CRPPA: variants seen among roughly 807,000 people sequenced by gnomAD.
The protein encoded by CRPPA is CDP-L-ribitol pyrophosphorylase A.
In CRPPA, 43 loss-of-function variants were observed where a neutral mutation model predicts 52.0. The observed-to-expected ratio is 0.83, with a 90% confidence interval of 0.65 to 1.07. The LOEUF is 1.07. Ranked by LOEUF, CRPPA falls within the 50% of genes least tolerant of loss-of-function variation. The pLI, the probability that CRPPA is intolerant of heterozygous loss-of-function variation, is 0.00. For missense variants in CRPPA, 629 were observed against 551.7 expected (o/e 1.14, Z -1.40); for synonymous variants, 250 against 203.5 (o/e 1.23, Z -1.94).
Position 16,091,542 on chromosome 7 carries a change from AT to A in CRPPA, c.*152del, listed in dbSNP as rs1482337712. On this transcript the variant is annotated 3_prime_UTR_variant, in exon 10 of 10. Coordinates refer to ENST00000407010, the MANE Select transcript of CRPPA (RefSeq NM_001101426.4). Reference sequence around the variant, plus strand: ...CTTTATTTCACAGATATAAACATTAATCTGCTTTATAATCTAAGCATCACAT... The same window carrying A: ...CTTTATTTCACAGATATAAACATTAACTGCTTTATAATCTAAGCATCACAT... 5 of 554,560 alleles carry A rather than the reference AT, an allele frequency of 9.0e-6. No individual in the cohort carries two copies. In the African/African-American group the frequency reaches 1.0e-4, roughly 11 times the overall value. The allele number at this position is 554,560 out of a possible 1,614,324, so 34.4% of individuals were successfully genotyped here. A position where few individuals can be genotyped will look rare whatever the true frequency, so the allele number is the denominator to read the frequency against.
At chr7:16,160,552 C>A (rs75093879) in intron 9 of CRPPA, among the ~76,000 whole-genome samples, 5,716 of 152,150 alleles carry the variant, frequency 0.038, 334 homozygotes, top group East Asian at 0.3. Flanking sequence ...TACCGTGCTG[C>A]TTTTGTTACT....
intron 9 of CRPPA, among the ~76,000 whole-genome samples, chr7:16,212,663 G>A (rs1455996524): frequency 6.6e-6 from 1 of 152,196 alleles, no homozygotes; most frequent in East Asian, 1.9e-4. Flanking sequence ...AGATATGTAT[G>A]TATAACGCAT....
chr7:16,239,586 T>TAAAAAAAAA (rs1783052446), intron 8 of CRPPA, among the ~76,000 whole-genome samples: 6 of 76,960 alleles, frequency 7.8e-5, no homozygotes, highest in South Asian at 7.9e-4. Context: ...AAAAAAAAAC[T>TAAAAAAAAA]AGTGAGAGAA....
chr7:16,263,679 G>C (rs1169050597), intron 6 of CRPPA, among the ~76,000 whole-genome samples: 1 of 152,058 alleles, frequency 6.6e-6, no homozygotes, highest in East Asian at 1.9e-4. Context: ...TTGAACCTGG[G>C]AGGCAGAGGT....
chr7:16,202,150 T>A (rs1258218344), intron 9 of CRPPA, among the ~76,000 whole-genome samples: 1 of 152,210 alleles, frequency 6.6e-6, no homozygotes, highest in East Asian at 1.9e-4. Context: ...TACAGTTGAA[T>A]TTTTAATAAT....
intron 9 of CRPPA, among the ~76,000 whole-genome samples, chr7:16,154,464 T>C (rs1480806002): frequency 1.3e-5 from 2 of 152,134 alleles, no homozygotes; most frequent in Non-Finnish European, 2.9e-5. Context: ...TTGATTTCCC[T>C]CATGAATTAT....
intron 9 of CRPPA, among the ~76,000 whole-genome samples, chr7:16,189,186 A>T (rs2128389933): frequency 6.6e-6 from 1 of 152,266 alleles, no homozygotes; most frequent in African/African-American, 2.4e-5. Context: ...TCTCAGCAAG[A>T]GTGTGACTCA....
intron 9 of CRPPA, among the ~76,000 whole-genome samples, chr7:16,168,737 G>C (rs1197020303): frequency 1.3e-5 from 2 of 152,052 alleles, no homozygotes; most frequent in African/African-American, 4.8e-5. Flanking sequence ...CAAATAAATT[G>C]TCTTGTTCAA....
chr7:16,337,572 G>C (rs552417881), intron 3 of CRPPA, among the ~76,000 whole-genome samples: 2 of 151,342 alleles, frequency 1.3e-5, no homozygotes, highest in South Asian at 4.2e-4. Flanking sequence ...ATAGAGTCTA[G>C]AAAAACTACA....
At position 16,406,462 on chromosome 7, in the gene CRPPA, A is replaced by T. The variant is rs3903222; in HGVS notation, c.258-125T>A. 342,604 of 784,890 alleles carry T rather than the reference A, an allele frequency of 0.44. 79,500 individuals carry two copies. Among genetic ancestry groups the T allele is most frequent in the African/African-American group, 0.74 (42,355 of 57,318 alleles). The allele number at this position is 784,890 out of a possible 1,614,324, so 48.6% of individuals were successfully genotyped here. ...AGATTAAAAACTGCAAGTTAATAAA[A>T]CAGTTTTATGCATTCTCGTTAGGTC... On this transcript the variant is annotated intron_variant, in intron 1 of 9. Transcript: ENST00000407010.
chr7:16,101,507 A>AT (rs1169912025), intron 9 of CRPPA, among the ~76,000 whole-genome samples: 2 of 151,012 alleles, frequency 1.3e-5, no homozygotes, highest in South Asian at 2.1e-4. Flanking sequence ...CCCCTTTATC[A>AT]TTTTTTTATT....
chr7:16,281,751 T>C (rs1158422402), intron 5 of CRPPA, among the ~76,000 whole-genome samples: 1 of 152,208 alleles, frequency 6.6e-6, no homozygotes, highest in African/African-American at 2.4e-5. Flanking sequence ...TTAATAAAAA[T>C]TCAGTATCTT....
At chr7:16,383,049 T>C (rs904229072) in intron 2 of CRPPA, among the ~76,000 whole-genome samples, 3 of 152,206 alleles carry the variant, frequency 2.0e-5, no homozygotes, top group Non-Finnish European at 2.9e-5. Context: ...CTGCGTTCCT[T>C]TGGAGGAGGA....
chr7:16,315,981 T>C (rs2128426290), intron 3 of CRPPA, among the ~76,000 whole-genome samples: 1 of 152,222 alleles, frequency 6.6e-6, no homozygotes, highest in African/African-American at 2.4e-5. Flanking sequence ...ATATTTTACT[T>C]GTTAGGAAGG....
intron 6 of CRPPA, among the ~76,000 whole-genome samples, chr7:16,264,099 G>A (rs938360883): frequency 6.6e-5 from 10 of 151,878 alleles, no homozygotes; most frequent in Admixed American, 6.6e-5. Flanking sequence ...TATTTTCCAT[G>A]CTTGAGTAAA....
At chr7:16,127,995 C>T (rs190632731) in intron 9 of CRPPA, among the ~76,000 whole-genome samples, 57 of 152,186 alleles carry the variant, frequency 3.7e-4, no homozygotes, top group African/African-American at 1.3e-3. Flanking sequence ...ACAGCTACAA[C>T]GGAATAAATT....
intron 3 of CRPPA, among the ~76,000 whole-genome samples, chr7:16,320,291 T>A (rs1785232723): frequency 6.6e-6 from 1 of 152,136 alleles, no homozygotes; most frequent in South Asian, 2.1e-4. Context: ...TCAATTTATG[T>A]TTGCATAAAC....
chr7:16,406,237 C>T lies in CRPPA; in HGVS notation c.358G>A (p.Val120Ile), dbSNP rs779617053. The T allele has an allele frequency of 6.2e-7, 1 of 1,613,946 alleles. No individual in the cohort carries two copies. Among genetic ancestry groups the T allele is most frequent in the South Asian group, 1.1e-5 (1 of 91,084 alleles). Reference sequence around the variant, plus strand: ...CTGTGGCGGGTCACTCCAGCTTCGACCAGTGAGATGCGTTTATGCTGATAC... The same window carrying T: ...CTGTGGCGGGTCACTCCAGCTTCGATCAGTGAGATGCGTTTATGCTGATAC... ...QKYQHKRISL[V>I]EAGVTRHRSI... is the part of the protein sequence containing the mutation. Residue 120 changes from valine to isoleucine, a missense_variant, in exon 2 of 10, where the codon GTC becomes ATC. By Grantham distance (29) the Val-to-Ile change is conservative. Coordinates refer to ENST00000407010, the MANE Select transcript of CRPPA (RefSeq NM_001101426.4).
In CRPPA at chr7:16,421,231, G is replaced by A; in HGVS notation, c.92C>T (p.Ser31Phe). 7.5e-7 allele frequency: 1 copy of A among 1,334,054 alleles called. No homozygotes were observed. The allele number at this position is 1,334,054 out of a possible 1,614,324, so 82.6% of individuals were successfully genotyped here. ...CTCGGTCCCGGCCACGCTCTGCAGG[G>A]AGGCGGAAGCCGTGTGGTCCGCGCC... ...QRGADHTASASLQSVAGTEPG... is the reference protein window; with the variant it reads ...QRGADHTASAFLQSVAGTEPG... Residue 31 changes from serine to phenylalanine, a missense_variant, in exon 1 of 10, where the codon TCC becomes TTC. Coordinates refer to ENST00000407010, the MANE Select transcript of CRPPA (RefSeq NM_001101426.4).
Sources: gnomAD v4.1 joint callset for allele counts (sites outside exome capture counted in the v4.1 genomes callset) on GRCh38, gnomAD v4.1.1 for gene constraint, MANE v1.5 for transcripts, NCBI Gene and HGNC (gene_info 2026-07-23, HGNC 2026-07-21) for gene names.